Variants in CD163 observed in about 807,000 individuals in gnomAD.
CD163 encodes the protein scavenger receptor cysteine-rich type 1 protein M130.
CD163 carries 64 observed loss-of-function variants against 129.2 expected under a neutral mutation model. That is an observed-to-expected ratio of 0.50 (90% CI 0.41 to 0.61). The LOEUF is 0.61. Ranked by LOEUF, CD163 falls within the 20% of genes least tolerant of loss-of-function variation. The probability of loss-of-function intolerance (pLI) is 0.00; values close to 1 mark genes in which losing one functional copy is unlikely to be tolerated. For missense variants in CD163, 1,061 were observed against 1,377.9 expected (o/e 0.77, Z 3.64); for synonymous variants, 446 against 478.5 (o/e 0.93, Z 0.89).
At chr12:7,498,700 A>G (rs1286575342) in intron 4 of CD163, among the ~76,000 whole-genome samples, 168 bp downstream of exon 4, 2 of 152,128 alleles carry the variant, frequency 1.3e-5, no homozygotes, top group African/African-American at 4.8e-5. Flanking sequence ...AATTTCAGTT[A>G]AGGTAAAAAG....
chr12:7,483,050 A>G (rs375440983), intron 12 of CD163, 46 bp from the exon 13 acceptor site: 2 of 1,581,442 alleles, frequency 1.3e-6, no homozygotes, highest in Non-Finnish European at 1.7e-6. Context: ...TGCATGATAT[A>G]TAGAACAAGC....
chr12:7,486,739 A>G lies in CD163; in HGVS notation c.2218T>C (p.Trp740Arg), dbSNP rs1565402171. The G allele has an allele frequency of 6.2e-7, 1 of 1,614,100 alleles. No individual in the cohort carries two copies. Among genetic ancestry groups the G allele is most frequent in the African/African-American group, 1.3e-5 (1 of 74,954 alleles). Reference protein sequence around the residue: ...GRVEIYHEGSWGTICDDSWDL... With the variant: ...GRVEIYHEGSRGTICDDSWDL... The stretch of plus-strand genomic sequence containing the variant: ...CAGCTGTCATCACAGATGGTGCCCC[A>G]GGAGCCCTCATGATAGATCTCTACT... Residue 740 changes from tryptophan to arginine, a missense_variant, in exon 10 of 17, where the codon TGG becomes CGG. Physicochemically the swap from Trp to Arg is moderately radical, Grantham distance 101. Transcript: ENST00000432237.
At chr12:7,475,431 A>C (rs184199192) in intron 16 of CD163, among the ~76,000 whole-genome samples, 285 of 152,346 alleles carry the variant, frequency 1.9e-3, no homozygotes, top group South Asian at 2.5e-3. Flanking sequence ...AGGCTGGTTC[A>C]ACATATGTAA....
In CD163 at chr12:7,487,314, C is replaced by T; in HGVS notation, c.2050+45G>A. The T allele has an allele frequency of 6.6e-7, 1 of 1,522,030 alleles. No homozygotes were observed. Among genetic ancestry groups the T allele is most frequent in the Non-Finnish European group, 8.8e-7 (1 of 1,137,598 alleles). 94.3% of individuals were successfully genotyped at this position (1,522,030 alleles called of 1,614,324 possible). A position where few individuals can be genotyped will look rare whatever the true frequency, so the allele number is the denominator to read the frequency against. ...TACTTTTGTTCTTCATCCCTATGTA[C>T]ACCTTCTCTTAAGACCCATCACTGG... is the stretch of plus-strand genomic sequence containing the variant. On this transcript the variant is annotated intron_variant, in intron 8 of 16. Coordinates refer to ENST00000432237, the MANE Select transcript of CD163 (RefSeq NM_203416.4). The surrounding 1 kb of genome is among the most constrained non-coding windows in gnomAD (Gnocchi z 5.1).
chr12:7,473,108 C>T (rs1014809845), intron 16 of CD163: 1 of 152,116 alleles, frequency 6.6e-6, no homozygotes. Flanking sequence ...ATTGGTGTAC[C>T]TGAAAGTGAT....
intron 6 of CD163, among the ~76,000 whole-genome samples, chr12:7,493,470 A>G (rs1195862571): frequency 6.6e-6 from 1 of 152,230 alleles, no homozygotes; most frequent in Non-Finnish European, 1.5e-5. Context: ...CAACAGAGAC[A>G]CCAAAACAGC....
chr12:7,503,145 C>T (rs1484638592), intron 1 of CD163, among the ~76,000 whole-genome samples: 2 of 152,172 alleles, frequency 1.3e-5, no homozygotes, highest in African/African-American at 2.4e-5. Flanking sequence ...ATCTTGTCAT[C>T]TCTACCTGTA....
At position 7,483,580 on chromosome 12, in the gene CD163, C is replaced by G. The variant is rs1236194549; in HGVS notation, c.2875G>C (p.Asp959His). 4.3e-6 allele frequency: 7 copies of G among 1,613,524 alleles called. No individual in the cohort carries two copies. The highest frequency in any genetic ancestry group is 5.9e-6 in the Non-Finnish European group (7 of 1,179,928). Residue 959 changes from aspartate (D) to histidine (H), a missense_variant, in exon 12 of 17, where the codon GAC becomes CAC. Transcript: ENST00000432237. Reference protein sequence around the residue: ...SWGTVCDDSWDLDDAQVVCQQ... With the variant: ...SWGTVCDDSWHLDDAQVVCQQ... ...CACACCACCTGAGCATCGTCCAAGT[C>G]CCAAGAGTCATCACACACTGTCCCC... is the stretch of plus-strand genomic sequence containing the variant.
chr12:7,498,752 G>A (rs1949436969), intron 4 of CD163, 116 bp downstream of exon 4: 4 of 995,722 alleles, frequency 4.0e-6, no homozygotes, highest in Non-Finnish European at 4.4e-6. Context: ...AGGTTAAAAT[G>A]CGGTGACAAA....
chr12:7,490,627 C>T (rs1188017267), intron 6 of CD163, among the ~76,000 whole-genome samples: 1 of 151,934 alleles, frequency 6.6e-6, no homozygotes, highest in Non-Finnish European at 1.5e-5. Context: ...GATATAGATA[C>T]ACCATCAGCC....
rs199952476 is a variant in CD163 at position 7,481,127 on chromosome 12, C to A, written c.3343+34G>T. Reference sequence around the variant, plus strand: ...CTCAACTGCAGCCACTGATCTGAACCCCTGGGCAATAGACCCTCCAAGAAC... The same window carrying A: ...CTCAACTGCAGCCACTGATCTGAACACCTGGGCAATAGACCCTCCAAGAAC... On this transcript the variant is annotated intron_variant, in intron 15 of 16. Transcript: ENST00000432237. 40 of 1,609,406 alleles carry A rather than the reference C, an allele frequency of 2.5e-5. No individual in the cohort carries two copies. The East Asian group carries it at 8.5e-4, about 34-fold the overall frequency.
At chr12:7,486,853 C>T in intron 9 of CD163, 40 bp from the exon 10 acceptor site, 2 of 1,606,212 alleles carry the variant, frequency 1.2e-6, no homozygotes. Context: ...GAGCATTCCA[C>T]TTGTTATTAA....
At chr12:7,491,084 C>A (rs1273332877) in intron 6 of CD163, among the ~76,000 whole-genome samples, 1 of 151,994 alleles carries the variant, frequency 6.6e-6, no homozygotes, top group Non-Finnish European at 1.5e-5. Flanking sequence ...ACTTCTTACT[C>A]TTTCATTTGG....
chr12:7,497,249 A>C, intron 4 of CD163, 116 bp from the exon 5 acceptor site: 2 of 817,304 alleles, frequency 2.4e-6, no homozygotes. Context: ...AGACAGAGAA[A>C]ACTGTGATGT....
Position 7,503,677 on chromosome 12 carries a change from C to G in CD163, c.14G>C (p.Arg5Thr). Residue 5 changes from arginine (R) to threonine (T), a missense_variant, in exon 1 of 17, where the codon AGA becomes ACA. By Grantham distance (71) the Arg-to-Thr change is moderately conservative. Coordinates refer to ENST00000432237, the MANE Select transcript of CD163 (RefSeq NM_203416.4). ...TCCAGAGTCTTCAAGTAGCACCATT[C>G]TGAGTTTGCTCATTCCAAAGATTTA... MSKL[R>T]MVLLEDSGSA... is the part of the protein sequence containing the mutation. 6.2e-7 allele frequency: 1 copy of G among 1,600,940 alleles called. No homozygotes were observed. The highest frequency in any genetic ancestry group is 8.5e-7 in the Non-Finnish European group (1 of 1,170,442).
At chr12:7,500,124 A>G (rs1949459181) in intron 3 of CD163, among the ~76,000 whole-genome samples, 1 of 152,032 alleles carries the variant, frequency 6.6e-6, no homozygotes, top group Non-Finnish European at 1.5e-5. Context: ...GGATTGTATA[A>G]AAATTAATGA....
chr12:7,495,054 T>C (rs756358375), intron 6 of CD163, 27 bp downstream of exon 6: 23 of 1,586,228 alleles, frequency 1.4e-5, no homozygotes, highest in African/African-American at 2.7e-5. Context: ...ACACCCTTCT[T>C]CTTAACAAGT....
Position 7,499,109 on chromosome 12 carries a change from C to T in CD163, c.537G>A (p.Arg179=). Residue 179 remains arginine (R), a synonymous_variant, in exon 4 of 17, where the codon CGG becomes CGA. Transcript: ENST00000432237. Reference sequence around the variant, plus strand: ...AGTTATCATCACACACTGTTCCCCACCGTCCTTGGAATTTGATCTCTATTC... The same window carrying T: ...AGTTATCATCACACACTGTTCCCCATCGTCCTTGGAATTTGATCTCTATTC... ...SGRIEIKFQG[R]WGTVCDDNFN... is the part of the protein sequence containing the mutation. The T allele has an allele frequency of 6.2e-7, 1 of 1,614,126 alleles. No individual in the cohort carries two copies.
At chr12:7,490,312 A>G (rs1949310834) in intron 6 of CD163, among the ~76,000 whole-genome samples, 1 of 151,982 alleles carries the variant, frequency 6.6e-6, no homozygotes, top group South Asian at 2.1e-4. Context: ...TAAGTAACTT[A>G]CTGTAGCTGA....
Sources: allele counts gnomAD v4.1 joint callset (sites outside exome capture counted in the v4.1 genomes callset), GRCh38; gene constraint gnomAD v4.1.1; non-coding constraint Gnocchi (gnomAD v3.1); transcripts MANE v1.5; gene names NCBI Gene and HGNC (gene_info 2026-07-23, HGNC 2026-07-21).